Variants in UPB1 observed in about 807,000 individuals in gnomAD.
The protein encoded by UPB1 is beta-ureidopropionase 1, also known as beta-ureidopropionase.
In UPB1, 40 loss-of-function variants were observed where a neutral mutation model predicts 49.1. The ratio of observed to expected loss-of-function variants is 0.81; its 90% CI spans 0.63 to 1.06. The LOEUF (loss-of-function observed/expected upper bound fraction) is 1.06, where lower values mean the gene tolerates loss of function less well. Ranked by LOEUF, UPB1 falls within the 50% of genes least tolerant of loss-of-function variation. The probability of loss-of-function intolerance (pLI) is 0.00; values close to 1 mark genes in which losing one functional copy is unlikely to be tolerated. For missense variants in UPB1, 499 were observed against 505.9 expected (o/e 0.99, Z 0.13); for synonymous variants, 207 against 198.2 (o/e 1.04, Z -0.38).
chr22:24,495,565 G>A lies in UPB1; in HGVS notation c.104+58G>A, dbSNP rs369015583. 22 of 1,593,834 alleles carry A rather than the reference G, an allele frequency of 1.4e-5. No individual in the cohort carries two copies. In the African/African-American group the frequency reaches 2.0e-4, roughly 15 times the overall value. Reference sequence around the variant, plus strand: ...TTGGGGCCACAGAGTGTGGGTCTGGGGGAGCAGGCAGGGAGGGCCTCAGGG... The same window carrying A: ...TTGGGGCCACAGAGTGTGGGTCTGGAGGAGCAGGCAGGGAGGGCCTCAGGG... On this transcript the variant is annotated intron_variant, in intron 1 of 9. Transcript: ENST00000326010.
At chr22:24,499,142 C>T (rs2043943188) in intron 1 of UPB1, among the ~76,000 whole-genome samples, 2 of 152,198 alleles carry the variant, frequency 1.3e-5, no homozygotes, top group Admixed American at 1.3e-4. Flanking sequence ...AGGGCCGTCA[C>T]ATGGAAAGTG....
chr22:24,522,116 A>T, intron 8 of UPB1, 88 bp downstream of exon 8: 1 of 1,456,284 alleles, frequency 6.9e-7, no homozygotes, highest in Non-Finnish European at 9.5e-7. Context: ...AGGATCTGCC[A>T]CACAGATCAC....
At chr22:24,501,951 C>A (rs930890648) in intron 2 of UPB1, among the ~76,000 whole-genome samples, 175 bp from the exon 3 acceptor site, 6 of 152,190 alleles carry the variant, frequency 3.9e-5, no homozygotes. Flanking sequence ...CTCTGCACCT[C>A]CAGCTTTTCA....
intron 3 of UPB1, among the ~76,000 whole-genome samples, chr22:24,504,943 G>A (rs1426236143): frequency 4.2e-5 from 5 of 117,886 alleles, no homozygotes; most frequent in Non-Finnish European, 6.7e-5. Flanking sequence ...TGAGATCTGT[G>A]TTGCCCAGGC....
At chr22:24,499,145 G>A (rs2043943282) in intron 1 of UPB1, among the ~76,000 whole-genome samples, 2 of 152,226 alleles carry the variant, frequency 1.3e-5, no homozygotes, top group Non-Finnish European at 2.9e-5. Flanking sequence ...GCCGTCACAT[G>A]GAAAGTGCCT....
At chr22:24,502,033 G>A in intron 2 of UPB1, 93 bp from the exon 3 acceptor site, 1 of 1,276,952 alleles carries the variant, frequency 7.8e-7, no homozygotes, top group Non-Finnish European at 1.1e-6. Flanking sequence ...CTGCCCAGGT[G>A]GGCATTGATT....
chr22:24,516,394 T>TCTG (rs929775458), intron 6 of UPB1: 4 of 152,292 alleles, frequency 2.6e-5, no homozygotes, highest in African/African-American at 9.6e-5. Context: ...ACTGCATGAC[T>TCTG]CTGCTGCTGC....
rs771375290 is a variant in UPB1, at chr22:24,502,450, C to G, written c.364+237C>G. The G allele has an allele frequency of 6.4e-6, 5 of 781,748 alleles. No homozygotes were observed. In the South Asian group the frequency reaches 6.7e-5, roughly 10 times the overall value. 48.4% of individuals were successfully genotyped at this position (781,748 alleles called of 1,614,324 possible). On this transcript the variant is annotated intron_variant, in intron 3 of 9. Transcript: ENST00000326010. ...TGAATCCATTCGCTCCTCTCCATCT[C>G]TCTACCACCACCTGGTCCAAGCCCC...
chr22:24,504,221 G>A (rs889989680), intron 3 of UPB1, among the ~76,000 whole-genome samples: 1 of 152,222 alleles, frequency 6.6e-6, no homozygotes, highest in African/African-American at 2.4e-5. Flanking sequence ...GGGACTCTCA[G>A]AACAAGTAGT....
In UPB1 at chr22:24,497,628, G is replaced by A. The variant is rs79250422; in HGVS notation, c.104+2121G>A. ...TGAGTGGGGAGGCCTCAGTAGCAGG[G>A]TGAGGGGTAGAGGGTCTGAAAGCCA... On this transcript the variant is annotated intron_variant, in intron 1 of 9. Coordinates refer to ENST00000326010, the MANE Select transcript of UPB1 (RefSeq NM_016327.3). 2.2e-3 allele frequency among the ~76,000 whole-genome samples: 331 copies of A among 152,312 alleles called. 7 individuals carry two copies. In the East Asian group the frequency reaches 0.038, roughly 18 times the overall value.
rs201435289 is a variant in UPB1, at chr22:24,515,230, C to T, written c.651C>T (p.Gly217=). 1.5e-5 allele frequency: 25 copies of T among 1,614,194 alleles called. No homozygotes were observed. Among genetic ancestry groups the T allele is most frequent in the Non-Finnish European group, 2.1e-5 (25 of 1,180,044 alleles). The change falls in exon 6 of 10, where the codon GGC becomes GGT. Residue 217 remains glycine (G), a synonymous_variant. Transcript: ENST00000326010. ...ESTYYMEGNL[G]HPVFQTQFGR... ...CTTACTACATGGAGGGAAACCTGGG[C>T]CACCCCGTGTTCCAGACGCAGTTCG...
intron 4 of UPB1, among the ~76,000 whole-genome samples, chr22:24,511,245 A>G (rs906553884): frequency 6.6e-6 from 1 of 152,190 alleles, no homozygotes; most frequent in African/African-American, 2.4e-5. Flanking sequence ...GTGTCTCATC[A>G]GCATAGAAAT....
chr22:24,497,784 C>T (rs2043919596), intron 1 of UPB1, among the ~76,000 whole-genome samples: 1 of 152,130 alleles, frequency 6.6e-6, no homozygotes, highest in African/African-American at 2.4e-5. Context: ...AACAGAATAC[C>T]AGACTTCCCT....
chr22:24,507,978 G>A lies in UPB1; in HGVS notation c.365-2771G>A, dbSNP rs530774812. 2.8e-4 allele frequency among the ~76,000 whole-genome samples: 42 copies of A among 151,988 alleles called. 1 individual carries two copies. The South Asian group carries it at 5.6e-3, about 20-fold the overall frequency. ...CCCCAATATAACCAACCACTTTTCC[G>A]CTGCACACCGGATTTCTCTTGGTTC... is the stretch of plus-strand genomic sequence containing the variant. On this transcript the variant is annotated intron_variant, in intron 3 of 9. Transcript: ENST00000326010.
At chr22:24,513,706 C>G (rs974864031) in intron 5 of UPB1, among the ~76,000 whole-genome samples, 1 of 152,096 alleles carries the variant, frequency 6.6e-6, no homozygotes, top group Non-Finnish European at 1.5e-5. Flanking sequence ...CAGAGGAGTC[C>G]CAAACACCTT....
chr22:24,511,146 T>A (rs1287377312), intron 4 of UPB1, among the ~76,000 whole-genome samples: 3 of 152,132 alleles, frequency 2.0e-5, no homozygotes, highest in Non-Finnish European at 4.4e-5. Flanking sequence ...GAGCTGGCAT[T>A]CAGGGACCAG....
intron 3 of UPB1, among the ~76,000 whole-genome samples, chr22:24,504,904 A>ATTTT: frequency 9.1e-6 from 1 of 109,362 alleles, no homozygotes; most frequent in Non-Finnish European, 1.9e-5. Context: ...ATTTTCTTGA[A>ATTTT]TTTTTTTTTT....
rs565889259 is a variant in UPB1 at position 24,517,876 on chromosome 22, G to A, written c.791+2506G>A. ...AGCCTGAAGAAACAATCTAAAAGAG[G>A]AGGGAAGGCCAGGCACAGTAGCTCA... On this transcript the variant is annotated intron_variant, in intron 6 of 9. Transcript: ENST00000326010. 1.7e-4 allele frequency among the ~76,000 whole-genome samples: 26 copies of A among 152,310 alleles called. No homozygotes were observed. In the South Asian group the frequency reaches 4.8e-3, roughly 28 times the overall value.
At chr22:24,508,283 A>T (rs1037652411) in intron 3 of UPB1, among the ~76,000 whole-genome samples, 2 of 152,144 alleles carry the variant, frequency 1.3e-5, no homozygotes, top group African/African-American at 4.8e-5. Context: ...TTGGGGCCAG[A>T]TGTGGTGGCT....
Sources: allele counts gnomAD v4.1 joint callset (sites outside exome capture counted in the v4.1 genomes callset), GRCh38; gene constraint gnomAD v4.1.1; transcripts MANE v1.5; gene names NCBI Gene and HGNC (gene_info 2026-07-23, HGNC 2026-07-21).